Variants in GRID2 observed in about 807,000 individuals in gnomAD.
GRID2 encodes glutamate receptor ionotropic, delta-2.
Under a neutral mutation model 114.8 loss-of-function variants are expected in GRID2, and 33 were observed. The observed-to-expected ratio is 0.29, with a 90% CI of 0.22 to 0.38. The LOEUF (loss-of-function observed/expected upper bound fraction) is 0.38. Among genes scored for constraint, GRID2 ranks in the 10% least tolerant of loss-of-function variants. The pLI is 1.00. For missense variants in GRID2, 1,184 were observed against 1,257.7 expected (o/e 0.94, Z 0.89); for synonymous variants, 505 against 449.9 (o/e 1.12, Z -1.55).
chr4:92,665,042 A>T lies in GRID2; in HGVS notation c.244+74756A>T, dbSNP rs190095070. On this transcript the variant is annotated intron_variant, in intron 2 of 15. Coordinates refer to ENST00000282020, the MANE Select transcript of GRID2 (RefSeq NM_001510.4). ...CTACTTATGTTTAAAGTAATTACTG[A>T]TAAGGAAAATCTTCTGTCATTTTGC... Among the ~76,000 whole-genome samples the T allele has an allele frequency of 1.5e-4, 22 of 149,500 alleles. 2 individuals are homozygous for T. In the East Asian group the frequency reaches 4.3e-3, roughly 30 times the overall value.
intron 11 of GRID2, among the ~76,000 whole-genome samples, chr4:93,467,964 C>T (rs1724448289): frequency 6.6e-6 from 1 of 152,106 alleles, no homozygotes; most frequent in Non-Finnish European, 1.5e-5. Flanking sequence ...GTCTTTGTTA[C>T]CTTTCCAGAA....
rs1729823646 is a variant in GRID2, at chr4:92,384,588, TTATATATAAC to T, written c.88+79845_88+79854del. The stretch of plus-strand genomic sequence containing the variant: ...AATATAATATATAAAATATATTATA[TTATATATAAC>T]ATAATATATAATATATGTTATATAT... On this transcript the variant is annotated intron_variant, in intron 1 of 15. Transcript: ENST00000282020. Among the ~76,000 whole-genome samples, 13 of 43,918 alleles carry T rather than the reference TTATATATAAC, an allele frequency of 3.0e-4. 1 individual carries two copies. Among genetic ancestry groups the T allele is most frequent in the Non-Finnish European group, 4.7e-4 (10 of 21,460 alleles). The allele number at this position is 43,918 out of a possible 152,430, so 28.8% of individuals were successfully genotyped here.
intron 13 of GRID2, among the ~76,000 whole-genome samples, chr4:93,614,461 C>G (rs1488204987): frequency 6.6e-6 from 1 of 152,080 alleles, no homozygotes; most frequent in African/African-American, 2.4e-5. Context: ...ACAAATGCAT[C>G]AGATCAAAAC....
intron 2 of GRID2, among the ~76,000 whole-genome samples, chr4:92,764,945 T>C (rs1364662685): frequency 2.0e-5 from 3 of 152,204 alleles, no homozygotes; most frequent in African/African-American, 7.2e-5. Context: ...TTAAATATTT[T>C]TCATAATATA....
intron 1 of GRID2, among the ~76,000 whole-genome samples, chr4:92,394,911 T>C (rs1179038507): frequency 6.6e-6 from 1 of 151,654 alleles, no homozygotes; most frequent in African/African-American, 2.4e-5. Context: ...GTAATATTAT[T>C]TTTAGTCTTC....
chr4:92,707,417 A>G (rs957316969), intron 2 of GRID2, among the ~76,000 whole-genome samples: 1 of 152,196 alleles, frequency 6.6e-6, no homozygotes, highest in Non-Finnish European at 1.5e-5. Context: ...GATTCTCTTC[A>G]AGCAGTTCAA....
At chr4:93,755,910 T>C (rs770134691) in intron 14 of GRID2, among the ~76,000 whole-genome samples, 1 of 152,202 alleles carries the variant, frequency 6.6e-6, no homozygotes, top group African/African-American at 2.4e-5. Context: ...TTAATCTTTA[T>C]TAACTTATTA....
At chr4:92,935,844 A>G (rs1185794408) in intron 2 of GRID2, among the ~76,000 whole-genome samples, 1 of 132,496 alleles carries the variant, frequency 7.5e-6, no homozygotes, top group East Asian at 2.9e-4. Flanking sequence ...ATGAGAACAC[A>G]TGGACACAGG....
chr4:92,524,481 C>T (rs1222130054), intron 1 of GRID2, among the ~76,000 whole-genome samples: 1 of 136,682 alleles, frequency 7.3e-6, no homozygotes, highest in African/African-American at 2.8e-5. Context: ...TTCTCATATA[C>T]TCACTGTCAC....
intron 13 of GRID2, among the ~76,000 whole-genome samples, chr4:93,569,285 C>A (rs1735717796): frequency 6.6e-6 from 1 of 152,174 alleles, no homozygotes. Flanking sequence ...GGAACACTTA[C>A]TCAATAAATC....
At chr4:93,198,808 C>T (rs780712263) in intron 4 of GRID2, among the ~76,000 whole-genome samples, 8 of 152,086 alleles carry the variant, frequency 5.3e-5, no homozygotes, top group Non-Finnish European at 7.4e-5. Flanking sequence ...TGCATTTAGA[C>T]GTGATGAATA....
chr4:93,263,534 A>G (rs1750483277), intron 8 of GRID2, among the ~76,000 whole-genome samples: 1 of 152,014 alleles, frequency 6.6e-6, no homozygotes, highest in Non-Finnish European at 1.5e-5. Context: ...TTGATTTATG[A>G]TGCCTTAAAT....
chr4:92,799,517 G>C (rs1740052501), intron 2 of GRID2, among the ~76,000 whole-genome samples: 1 of 151,932 alleles, frequency 6.6e-6, no homozygotes, highest in Non-Finnish European at 1.5e-5. Context: ...CTTTCTTTTT[G>C]GCTTGCAGGT....
At chr4:92,540,427 A>T (rs1028603190) in intron 1 of GRID2, among the ~76,000 whole-genome samples, 3 of 152,198 alleles carry the variant, frequency 2.0e-5, no homozygotes, top group African/African-American at 7.2e-5. Context: ...CAGAATCTAC[A>T]TAGAACTCAA....
chr4:92,313,963 T>C (rs1725837443), intron 1 of GRID2, among the ~76,000 whole-genome samples: 1 of 152,252 alleles, frequency 6.6e-6, no homozygotes, highest in South Asian at 2.1e-4. Flanking sequence ...GGTATATATA[T>C]GTAATTTTCT....
At chr4:92,333,499 G>A (rs1444268722) in intron 1 of GRID2, among the ~76,000 whole-genome samples, 1 of 152,104 alleles carries the variant, frequency 6.6e-6, no homozygotes, top group Non-Finnish European at 1.5e-5. Context: ...AATCTTTTTA[G>A]CAGATGGTTG....
At chr4:92,562,350 A>T (rs1453366216) in intron 1 of GRID2, among the ~76,000 whole-genome samples, 2 of 152,218 alleles carry the variant, frequency 1.3e-5, no homozygotes, top group African/African-American at 4.8e-5. Flanking sequence ...ATATTGTAAT[A>T]ATCTAATAAT....
intron 4 of GRID2, among the ~76,000 whole-genome samples, chr4:93,179,975 G>A (rs770974490): frequency 9.2e-5 from 14 of 151,904 alleles, no homozygotes; most frequent in South Asian, 6.2e-4. Context: ...TCTAACTCTC[G>A]GAATACGTGC....
intron 15 of GRID2, among the ~76,000 whole-genome samples, chr4:93,771,237 A>T (rs113885525): frequency 8.5e-4 from 130 of 152,296 alleles, no homozygotes; most frequent in African/African-American, 3.1e-3. Context: ...AATATAAGGA[A>T]CTTATCAATG....
Sources: allele counts gnomAD v4.1 joint callset (sites outside exome capture counted in the v4.1 genomes callset), GRCh38; gene constraint gnomAD v4.1.1; transcripts MANE v1.5; gene names NCBI Gene and HGNC (gene_info 2026-07-23, HGNC 2026-07-21).